HECW2: variants seen among roughly 807,000 people sequenced by gnomAD.
HECW2 encodes the protein HECT, C2 and WW domain containing E3 ubiquitin protein ligase 2.
HECW2 carries 61 observed loss-of-function variants against 175.2 expected under a neutral mutation model. That is an observed-to-expected ratio of 0.35 (90% CI 0.28 to 0.43). The LOEUF (loss-of-function observed/expected upper bound fraction) is 0.43. Among genes scored for constraint, HECW2 ranks in the 20% least tolerant of loss-of-function variants. The pLI is 1.00. For synonymous variants in HECW2, 671 were observed against 731.0 expected, an observed-to-expected ratio of 0.92 and a Z score of 1.32; for missense variants, 1,524 against 2,000.5, an observed-to-expected ratio of 0.76 and a Z score of 4.54.
At chr2:196,554,774 G>A (rs1331992769) in intron 1 of HECW2, among the ~76,000 whole-genome samples, 2 of 152,148 alleles carry the variant, frequency 1.3e-5, no homozygotes, top group African/African-American at 2.4e-5. Context: ...GTCAATCATC[G>A]GAGAAGTTTA....
At position 196,318,863 on chromosome 2, in the gene HECW2, G is replaced by A. The variant is rs773525972; in HGVS notation, c.2027C>T (p.Ser676Phe). Residue 676 changes from serine to phenylalanine, a missense_variant, in exon 9 of 29, where the codon TCT (serine) becomes TTT (phenylalanine). Physicochemically the swap from Ser to Phe is radical, Grantham distance 155 (BLOSUM62 -2). Transcript: ENST00000644978. The part of the protein sequence containing the change: ...ARFPETPAFS[S>F]QEEEDGACAA... ...ACAGGCTCCGTCTTCCTCCTCCTGA[G>A]AAGAAAAGGCTGGGGTTTCAGGAAA... is the stretch of plus-strand genomic sequence containing the variant. 4 of 1,552,328 alleles carry A rather than the reference G, an allele frequency of 2.6e-6. No individual in the cohort carries two copies. In the African/African-American group the frequency reaches 4.1e-5, roughly 16 times the overall value.
At chr2:196,555,889 T>C (rs932029238) in intron 1 of HECW2, among the ~76,000 whole-genome samples, 1 of 152,216 alleles carries the variant, frequency 6.6e-6, no homozygotes, top group Non-Finnish European at 1.5e-5. Flanking sequence ...TCCTGCTTTA[T>C]CTTTCTTGAT....
intron 2 of HECW2, among the ~76,000 whole-genome samples, chr2:196,398,096 G>C (rs936312318): frequency 6.8e-6 from 1 of 148,030 alleles, no homozygotes. Context: ...TGAGTGTAGG[G>C]GAAAGGTGGC....
At chr2:196,324,700 C>A (rs1692079356) in intron 6 of HECW2, among the ~76,000 whole-genome samples, 2 of 151,946 alleles carry the variant, frequency 1.3e-5, no homozygotes, top group African/African-American at 4.8e-5. Flanking sequence ...GAATTTTTTG[C>A]ATTAATTGTG....
chr2:196,442,080 T>C (rs1268496349), intron 1 of HECW2, among the ~76,000 whole-genome samples: 1 of 152,142 alleles, frequency 6.6e-6, no homozygotes, highest in Non-Finnish European at 1.5e-5. Context: ...AGTTCAAGAA[T>C]GCTTTCAAGA....
intron 21 of HECW2, among the ~76,000 whole-genome samples, chr2:196,236,751 G>T (rs1005341950): frequency 1.3e-5 from 2 of 152,076 alleles, no homozygotes; most frequent in African/African-American, 4.8e-5. Context: ...TTATGTGTTC[G>T]GGAGGAAGAC....
chr2:196,485,417 G>C (rs1174976935), intron 1 of HECW2, among the ~76,000 whole-genome samples: 1 of 152,174 alleles, frequency 6.6e-6, no homozygotes, highest in Non-Finnish European at 1.5e-5. Context: ...TCACAGTTCT[G>C]GAGGCTGGAC....
intron 1 of HECW2, among the ~76,000 whole-genome samples, chr2:196,542,810 CAT>C (rs911892151): frequency 6.7e-5 from 10 of 149,616 alleles, no homozygotes; most frequent in African/African-American, 2.2e-4. Context: ...CAGAGAAAGA[CAT>C]ATCTATATAT....
Position 196,426,578 on chromosome 2 carries a change from C to T in HECW2, c.292+6554G>A, listed in dbSNP as rs576747971. Among the ~76,000 whole-genome samples, 45 of 151,752 alleles carry T rather than the reference C, an allele frequency of 3.0e-4. No homozygotes were observed. In the South Asian group the frequency reaches 9.2e-3, roughly 31 times the overall value. ...AGAAGTGTCTATTCTGGTCCTTTGT[C>T]AATTAGATAGTTTAAAGGAAAATAT... is the stretch of plus-strand genomic sequence containing the variant. On this transcript the variant is annotated intron_variant, in intron 2 of 28. Transcript: ENST00000644978.
Position 196,320,427 on chromosome 2 carries a change from G to A in HECW2, c.897C>T (p.Leu299=). The A allele has an allele frequency of 1.2e-6, 2 of 1,610,216 alleles. No homozygotes were observed. Among genetic ancestry groups the A allele is most frequent in the Non-Finnish European group, 1.7e-6 (2 of 1,176,892 alleles). The change falls in exon 8 of 29, where the codon CTC becomes CTT. Residue 299 remains leucine (L), a synonymous_variant. Coordinates refer to ENST00000644978, the MANE Select transcript of HECW2 (RefSeq NM_001348768.2). ...LERQAIGDQM[L]SYNLGRRLPA... ...GGAGCCTTCTGCCAAGGTTGTAGCT[G>A]AGCATTTGATCACTGCAAGAAGAGA...
intron 21 of HECW2, among the ~76,000 whole-genome samples, chr2:196,229,309 T>C (rs949378041): frequency 6.6e-6 from 1 of 152,038 alleles, no homozygotes; most frequent in African/African-American, 2.4e-5. Flanking sequence ...ATTGCATTTT[T>C]TTAATGAAAA....
intron 1 of HECW2, among the ~76,000 whole-genome samples, chr2:196,549,435 G>A (rs1210891168): frequency 5.3e-5 from 8 of 152,040 alleles, no homozygotes; most frequent in African/African-American, 1.7e-4. Context: ...TGAGTGAAAC[G>A]ATATTGTAAT....
chr2:196,403,444 T>A (rs1292617490), intron 2 of HECW2, among the ~76,000 whole-genome samples: 1 of 152,192 alleles, frequency 6.6e-6, no homozygotes, highest in African/African-American at 2.4e-5. Flanking sequence ...CATCTCCTCA[T>A]ATGAGAGATA....
Position 196,220,957 on chromosome 2 carries a change from A to T in HECW2, c.4147-16T>A, listed in dbSNP as rs1168949459. On this transcript the variant is annotated splice_polypyrimidine_tract_variant and intron_variant, in intron 24 of 28. Coordinates refer to ENST00000644978, the MANE Select transcript of HECW2 (RefSeq NM_001348768.2). ...GTTCAGTTATCTGAGATTACAAAATAAAAAGAATGACTACAAAGCAATACT... is the reference window on the plus strand; with the variant it reads ...GTTCAGTTATCTGAGATTACAAAATTAAAAGAATGACTACAAAGCAATACT... The T allele has an allele frequency of 4.3e-6, 7 of 1,613,102 alleles. No individual in the cohort carries two copies. The highest frequency in any genetic ancestry group is 5.1e-6 in the Non-Finnish European group (6 of 1,179,230).
Position 196,408,998 on chromosome 2 carries a change from T to C in HECW2, c.292+24134A>G, listed in dbSNP as rs553258058. Among the ~76,000 whole-genome samples, 7 of 152,352 alleles carry C rather than the reference T, an allele frequency of 4.6e-5. No homozygotes were observed. In the South Asian group the frequency reaches 1.4e-3, roughly 32 times the overall value. ...ATCAATGGTGTGCGGGAGTCTATTG[T>C]TAACTTTTTCAGGAAACTTGCAAGC... On this transcript the variant is annotated intron_variant, in intron 2 of 28. Coordinates refer to ENST00000644978, the MANE Select transcript of HECW2 (RefSeq NM_001348768.2).
chr2:196,264,816 C>T (rs907843839), intron 17 of HECW2, among the ~76,000 whole-genome samples: 2 of 152,186 alleles, frequency 1.3e-5, no homozygotes, highest in Admixed American at 6.5e-5. Context: ...TCAAATAAAA[C>T]ATGACTAGCA....
At chr2:196,409,727 T>C (rs10931745) in intron 2 of HECW2, among the ~76,000 whole-genome samples, 147,135 of 152,294 alleles carry the variant, frequency 0.97, 71,075 homozygotes, top group East Asian at 1. Context: ...TACTTCTATC[T>C]TGTTGCAGTT....
At chr2:196,522,146 T>C (rs1364772686) in intron 1 of HECW2, among the ~76,000 whole-genome samples, 1 of 152,100 alleles carries the variant, frequency 6.6e-6, no homozygotes, top group African/African-American at 2.4e-5. Context: ...CAGCATCTGT[T>C]GTTTCCTGAC....
intron 15 of HECW2, among the ~76,000 whole-genome samples, chr2:196,278,130 A>AT (rs1182146063): frequency 4.7e-5 from 4 of 84,708 alleles, no homozygotes; most frequent in African/African-American, 9.4e-5. Flanking sequence ...AGTATAATTA[A>AT]AAAATATATA....
Sources: gnomAD v4.1 joint callset for allele counts (sites outside exome capture counted in the v4.1 genomes callset) on GRCh38, gnomAD v4.1.1 for gene constraint, MANE v1.5 for transcripts, NCBI Gene and HGNC (gene_info 2026-07-23, HGNC 2026-07-21) for gene names.